The following NCOR2 variants were observed in gnomAD, a reference collection of about 807,000 sequenced individuals.
NCOR2 encodes nuclear receptor corepressor 2, also known as CTG repeat protein 26.
Under a neutral mutation model 262.9 loss-of-function variants are expected in NCOR2, and 81 were observed. The observed-to-expected ratio is 0.31, with a 90% CI of 0.26 to 0.37. NCOR2 has a LOEUF of 0.37. Ranked by LOEUF, NCOR2 falls within the 10% of genes least tolerant of loss-of-function variation. The pLI is 1.00. For synonymous variants in NCOR2, 1,659 were observed against 1,559.3 expected (o/e 1.06, Z -1.51); for missense variants, 3,385 against 3,621.4 (o/e 0.93, Z 1.68).
At chr12:124,439,264 G>C in intron 7 of NCOR2, among the ~76,000 whole-genome samples, 1 of 9,674 alleles carries the variant, frequency 1.0e-4, no homozygotes, top group African/African-American at 4.0e-4. Context: ...GAGAGAGATG[G>C]AGACCCTGAG....
At chr12:124,494,788 C>G (rs2048292945) in intron 1 of NCOR2, among the ~76,000 whole-genome samples, 1 of 152,152 alleles carries the variant, frequency 6.6e-6, no homozygotes, top group Admixed American at 6.5e-5. Flanking sequence ...CACCCCAATC[C>G]TACCCAATAC....
At chr12:124,557,585 G>C (rs2051924481) in intron 1 of NCOR2, among the ~76,000 whole-genome samples, 1 of 152,224 alleles carries the variant, frequency 6.6e-6, no homozygotes, top group Admixed American at 6.5e-5. Context: ...TAAGGTCACA[G>C]CCTGAGGTTC....
intron 15 of NCOR2, among the ~76,000 whole-genome samples, chr12:124,399,121 G>C (rs2041855177): frequency 6.6e-6 from 1 of 152,072 alleles, no homozygotes; most frequent in Non-Finnish European, 1.5e-5. Context: ...GGTTCCAGCA[G>C]AAGAGGGGAG....
chr12:124,499,429 AGGCCAGGGGCTCT>A (rs2048564912), upstream of NCOR2, among the ~76,000 whole-genome samples: 1 of 152,254 alleles, frequency 6.6e-6, no homozygotes, highest in Non-Finnish European at 1.5e-5. Context: ...GGAGGGTCTC[AGGCCAGGGGCTCT>A]GCCCAGCCCT....
rs577046749 is a variant in NCOR2, at chr12:124,548,235, G to C, written c.-164-12624C>G. On this transcript the variant is annotated intron_variant, in intron 1 of 32. Coordinates refer to the NCOR2 transcript ENST00000458234. This position sits in a 1 kb window ranked among gnomAD's most constrained non-coding sequence, Gnocchi z 5.1. ...ATATGCAGGGAACAGCATTCCAGGT[G>C]GGGGGAACAACAAACGCGAAGGCCC... is the stretch of plus-strand genomic sequence containing the variant. Among the ~76,000 whole-genome samples the C allele has an allele frequency of 6.6e-6, 1 of 152,284 alleles. No individual in the cohort carries two copies. Among genetic ancestry groups the C allele is most frequent in the African/African-American group, 2.4e-5 (1 of 41,568 alleles).
chr12:124,499,334 A>G (rs1244014215), upstream of NCOR2, among the ~76,000 whole-genome samples: 1 of 152,188 alleles, frequency 6.6e-6, no homozygotes, highest in Non-Finnish European at 1.5e-5. Flanking sequence ...GGCGGCATTC[A>G]TTTATTTACA....
At chr12:124,372,162 C>T in exon 20 of NCOR2, 1 of 1,601,314 alleles carries the variant, frequency 6.2e-7, no homozygotes, top group Non-Finnish European at 8.5e-7. Context: ...CCTTGAGCGC[C>T]CCCTCGGCCG....
At chr12:124,478,173 C>T (rs562006335) in intron 3 of NCOR2, among the ~76,000 whole-genome samples, 11 of 152,316 alleles carry the variant, frequency 7.2e-5, no homozygotes, top group Admixed American at 5.2e-4. Context: ...TGCTAACACA[C>T]CAAGACCCTG....
At chr12:124,362,373 G>T in intron 21 of NCOR2, 76 bp from the exon 24 acceptor site, 1 of 1,276,416 alleles carries the variant, frequency 7.8e-7, no homozygotes, top group South Asian at 2.3e-5. Flanking sequence ...ACATGCACGC[G>T]ACCAGCCTGG....
At chr12:124,340,691 G>A (rs761183801) in exon 35 of NCOR2, 4 of 1,531,620 alleles carry the variant, frequency 2.6e-6, no homozygotes, top group Non-Finnish European at 3.5e-6. Context: ...GGTGGCTGGG[G>A]TGCCTGGTGT....
At position 124,410,911 on chromosome 12, in the gene NCOR2, G is replaced by GCA. The variant is rs2042543608; in HGVS notation, c.1483-8351_1483-8350insTG. 5.3e-5 allele frequency among the ~76,000 whole-genome samples: 8 copies of GCA among 152,158 alleles called. No homozygotes were observed. The South Asian group carries it at 1.7e-3, about 32-fold the overall frequency. On this transcript the variant is annotated intron_variant, in intron 13 of 46. Coordinates refer to ENST00000405201, the Ensembl canonical transcript of NCOR2. ...GCAAAGAGCTGGGAGAGGACAGACG[G>GCA]AGGAGGCAGGGGACAGGGGGCTGTA...
At chr12:124,567,527 G>GGGCGGGGCGCC (rs1228416752), upstream of NCOR2, 9 of 146,436 alleles carry the variant, frequency 6.1e-5, no homozygotes, top group African/African-American at 2.2e-4. Context: ...CGCAGGGCTC[G>GGGCGGGGCGCC]GGCGGGGCGC....
chr12:124,426,734 G>A (rs2043573442), exon 11 of NCOR2: 8 of 1,610,572 alleles, frequency 5.0e-6, no homozygotes, highest in South Asian at 1.1e-5. Flanking sequence ...AACTTGATGC[G>A]CTGCTGGTCA....
intron 16 of NCOR2, among the ~76,000 whole-genome samples, chr12:124,393,094 AGAG>A (rs1356861801): frequency 6.6e-6 from 1 of 152,204 alleles, no homozygotes; most frequent in African/African-American, 2.4e-5. Context: ...TCTGCCCGCC[AGAG>A]AAGAGGGCTG....
rs764892423 is a variant in NCOR2, at chr12:124,333,322, A to ACCT, written c.6606-44_6606-43insAGG. 285 of 1,485,738 alleles carry ACCT rather than the reference A, an allele frequency of 1.9e-4. 7 individuals carry two copies. The South Asian group carries it at 3.8e-3, about 20-fold the overall frequency. The allele number at this position is 1,485,738 out of a possible 1,614,324, so 92.0% of individuals were successfully genotyped here. On this transcript the variant is annotated intron_variant, in intron 41 of 46. Transcript: ENST00000405201. Reference sequence around the variant, plus strand: ...CCCAGATGTGGTCAGAGGTCTCCCTACTGAGGGGGCGCACCCTCCCTCCAC... The same window carrying ACCT: ...CCCAGATGTGGTCAGAGGTCTCCCTACCTCTGAGGGGGCGCACCCTCCCTCCAC...
At chr12:124,415,002 G>A (rs1465854327) in intron 13 of NCOR2, among the ~76,000 whole-genome samples, 3 of 152,150 alleles carry the variant, frequency 2.0e-5, no homozygotes, top group Admixed American at 6.5e-5. Context: ...GGCCCACAGA[G>A]GTACCCTGGG....
intron 3 of NCOR2, among the ~76,000 whole-genome samples, chr12:124,475,483 G>A (rs574290343): frequency 2.0e-5 from 3 of 152,222 alleles, no homozygotes; most frequent in Non-Finnish European, 4.4e-5. Flanking sequence ...CCTATAAAGG[G>A]CCAGATGGTA....
At chr12:124,436,769 T>C (rs1022346091) in intron 8 of NCOR2, among the ~76,000 whole-genome samples, 10 of 152,184 alleles carry the variant, frequency 6.6e-5, no homozygotes, top group Admixed American at 3.3e-4. Context: ...GTCAATGTTC[T>C]AACATAAGGA....
chr12:124,361,602 C>G (rs1018491580), intron 22 of NCOR2, among the ~76,000 whole-genome samples: 2 of 152,240 alleles, frequency 1.3e-5, no homozygotes, highest in African/African-American at 4.8e-5. Context: ...AGACCTGGGC[C>G]TGGAGCAAGG....
Sources: allele counts gnomAD v4.1 joint callset (sites outside exome capture counted in the v4.1 genomes callset), GRCh38; gene constraint gnomAD v4.1.1; non-coding constraint Gnocchi (gnomAD v3.1); transcripts MANE v1.5; gene names NCBI Gene and HGNC (gene_info 2026-07-23, HGNC 2026-07-21).